Variants in TRIQK observed in about 807,000 individuals in gnomAD.
The protein encoded by TRIQK is triple QxxK/R motif-containing protein.
A neutral mutation model predicts 10.8 loss-of-function variants in TRIQK; 10 were observed. The observed-to-expected ratio is 0.92, with a 90% CI of 0.57 to 1.57. The LOEUF (loss-of-function observed/expected upper bound fraction) is 1.57, where lower values mean the gene tolerates loss of function less well. Ranked by LOEUF, TRIQK falls within the 40% of genes most tolerant of loss-of-function variation. The pLI is 0.00. For synonymous variants in TRIQK, 33 were observed against 33.7 expected (o/e 0.98, Z 0.07); for missense variants, 107 against 97.7 (o/e 1.09, Z -0.40).
Position 92,885,133 on chromosome 8 carries a change from T to A in TRIQK, c.*1489A>T, listed in dbSNP as rs1816408714. On this transcript the variant is annotated 3_prime_UTR_variant, in exon 5 of 5. Transcript: ENST00000521988. ...TTTGCCCTCAGATGTTTGGCATAAATGATTTGTGAGGATATTGGAACCTTT... is the reference window on the plus strand; with the variant it reads ...TTTGCCCTCAGATGTTTGGCATAAAAGATTTGTGAGGATATTGGAACCTTT... 9.8e-6 allele frequency: 4 copies of A among 408,658 alleles called. No homozygotes were observed. Among genetic ancestry groups the A allele is most frequent in the Non-Finnish European group, 2.0e-5 (4 of 200,466 alleles). 25.3% of individuals were successfully genotyped at this position (408,658 alleles called of 1,614,324 possible). A position where few individuals can be genotyped will look rare whatever the true frequency, so the allele number is the denominator to read the frequency against.
Position 92,886,515 on chromosome 8 carries a change from T to A in TRIQK, c.*107A>T. The A allele has an allele frequency of 1.5e-6, 1 of 663,214 alleles. No individual in the cohort carries two copies. The highest frequency in any genetic ancestry group is 2.5e-6 in the Non-Finnish European group (1 of 402,674). The allele number at this position is 663,214 out of a possible 1,614,324, so 41.1% of individuals were successfully genotyped here. A position where few individuals can be genotyped will look rare whatever the true frequency, so the allele number is the denominator to read the frequency against. ...AAATCATATGTCTGCAAACTGAAAATATTAGCAGAAAGAATTAAAGATGTT... is the reference window on the plus strand; with the variant it reads ...AAATCATATGTCTGCAAACTGAAAAAATTAGCAGAAAGAATTAAAGATGTT... On this transcript the variant is annotated 3_prime_UTR_variant, in exon 5 of 5. Coordinates refer to ENST00000521988, the MANE Select transcript of TRIQK (RefSeq NM_001171797.2).
At chr8:92,907,654 C>A (rs1809346218) in intron 3 of TRIQK, among the ~76,000 whole-genome samples, 1 of 152,056 alleles carries the variant, frequency 6.6e-6, no homozygotes, top group South Asian at 2.1e-4. Flanking sequence ...ACAATACAGA[C>A]AATCTGTAGT....
chr8:93,010,584 AATTATATCTC>A (rs1393992088), intron 1 of TRIQK, among the ~76,000 whole-genome samples: 1 of 152,174 alleles, frequency 6.6e-6, no homozygotes, highest in Non-Finnish European at 1.5e-5. Context: ...TTAAAAATGT[AATTATATCTC>A]ATTAAATACT....
intron 1 of TRIQK, among the ~76,000 whole-genome samples, chr8:92,975,473 A>C (rs1426932984): frequency 6.6e-6 from 1 of 152,280 alleles, no homozygotes; most frequent in Admixed American, 6.5e-5. Flanking sequence ...ATTTATTGAG[A>C]TAAACTTGTT....
upstream of TRIQK, among the ~76,000 whole-genome samples, chr8:92,968,726 A>G (rs184652853): frequency 4.6e-5 from 7 of 152,260 alleles, no homozygotes; most frequent in Admixed American, 4.6e-4. Flanking sequence ...GATAGATTGC[A>G]AAAGGTTTCT....
chr8:92,987,968 C>A (rs1320522526), intron 1 of TRIQK, among the ~76,000 whole-genome samples: 2 of 144,686 alleles, frequency 1.4e-5, no homozygotes, highest in African/African-American at 5.1e-5. Flanking sequence ...ACATAATCGT[C>A]GTTTTTAGTT....
chr8:92,943,624 C>G (rs1811378029), intron 2 of TRIQK, among the ~76,000 whole-genome samples: 1 of 152,168 alleles, frequency 6.6e-6, no homozygotes, highest in Admixed American at 6.5e-5. Flanking sequence ...CATCCACATA[C>G]AGAAGAATGA....
intron 2 of TRIQK, among the ~76,000 whole-genome samples, chr8:92,943,071 T>C (rs1811350429): frequency 6.8e-6 from 1 of 147,750 alleles, no homozygotes; most frequent in African/African-American, 2.5e-5. Context: ...CTATTTACAA[T>C]AGCTAAAAAA....
At chr8:92,905,135 G>T (rs749518596) in intron 3 of TRIQK, among the ~76,000 whole-genome samples, 1 of 151,860 alleles carries the variant, frequency 6.6e-6, no homozygotes, top group Non-Finnish European at 1.5e-5. Context: ...TAGAAGCATC[G>T]TTCGTAATAG....
chr8:92,930,621 A>G (rs1810673793), intron 2 of TRIQK, among the ~76,000 whole-genome samples: 1 of 152,084 alleles, frequency 6.6e-6, no homozygotes, highest in Admixed American at 6.6e-5. Flanking sequence ...AAGCAAGGGT[A>G]CCATTAGCTT....
intron 4 of TRIQK, among the ~76,000 whole-genome samples, chr8:92,890,591 A>G (rs1293907682): frequency 9.9e-5 from 15 of 151,838 alleles, no homozygotes; most frequent in Non-Finnish European, 2.1e-4. Flanking sequence ...GAGCAAATGT[A>G]TAAAAAAGAT....
chr8:92,920,574 G>A (rs1810125729), intron 2 of TRIQK, among the ~76,000 whole-genome samples: 1 of 151,422 alleles, frequency 6.6e-6, no homozygotes, highest in South Asian at 2.1e-4. Flanking sequence ...GCAGATTAGG[G>A]GTTTTCACTG....
chr8:92,884,156 TA>T lies in TRIQK; in HGVS notation c.*2465del, dbSNP rs992162735. The T allele has an allele frequency of 6.6e-6, 1 of 151,878 alleles. No homozygotes were observed. Among genetic ancestry groups the T allele is most frequent in the Admixed American group, 6.6e-5 (1 of 15,196 alleles). 9.4% of individuals were successfully genotyped at this position (151,878 alleles called of 1,614,324 possible). On this transcript the variant is annotated 3_prime_UTR_variant, in exon 5 of 5. Transcript: ENST00000521988. ...TTACTGGAGGGAAGATACCCATGTC[TA>T]AAATTTGTGTCTGGTGCCAGTCTCA...
chr8:92,957,630 G>T (rs1475177580), intron 1 of TRIQK, among the ~76,000 whole-genome samples: 1 of 151,834 alleles, frequency 6.6e-6, no homozygotes, highest in Non-Finnish European at 1.5e-5. Flanking sequence ...TATTCAAGTG[G>T]TCTATAACTA....
At chr8:92,993,625 C>T (rs1191277579) in intron 1 of TRIQK, among the ~76,000 whole-genome samples, 3 of 152,198 alleles carry the variant, frequency 2.0e-5, no homozygotes. Context: ...CCAACACCAA[C>T]CCATCCAATC....
At chr8:92,973,345 G>T (rs2130738776) in intron 1 of TRIQK, 1 of 152,284 alleles carries the variant, frequency 6.6e-6, no homozygotes, top group South Asian at 2.1e-4. Flanking sequence ...AAGGTGAACA[G>T]TAGCAATCAC....
chr8:92,920,138 TAA>T (rs1423386701), intron 2 of TRIQK, among the ~76,000 whole-genome samples: 2 of 151,786 alleles, frequency 1.3e-5, no homozygotes, highest in Non-Finnish European at 1.5e-5. Context: ...TTCTGCTCTA[TAA>T]GTTTTATGAT....
rs370131213 is a variant in TRIQK at position 92,895,220 on chromosome 8, GC to G, written c.62-3147del. On this transcript the variant is annotated intron_variant, in intron 3 of 4. Transcript: ENST00000521988. ...TTCACAAGGCCCTTGCCAGAGGCAGGCCCCTCCAGCTTAGACTTCCCAGTCT... is the reference window on the plus strand; with the variant it reads ...TTCACAAGGCCCTTGCCAGAGGCAGGCCCTCCAGCTTAGACTTCCCAGTCT... 7.1e-3 allele frequency among the ~76,000 whole-genome samples: 1,076 copies of G among 152,300 alleles called. 15 individuals are homozygous for G. The highest frequency in any genetic ancestry group is 0.025 in the African/African-American group (1,023 of 41,566).
At position 92,883,735 on chromosome 8, in the gene TRIQK, G is replaced by A. The variant is rs1446407126; in HGVS notation, c.*2887C>T. 1 of 151,630 alleles carries A rather than the reference G, an allele frequency of 6.6e-6. No homozygotes were observed. The highest frequency in any genetic ancestry group is 1.9e-4 in the East Asian group (1 of 5,140). 9.4% of individuals were successfully genotyped at this position (151,630 alleles called of 1,614,324 possible). On this transcript the variant is annotated 3_prime_UTR_variant, in exon 5 of 5. Coordinates refer to ENST00000521988, the MANE Select transcript of TRIQK (RefSeq NM_001171797.2). Reference sequence around the variant, plus strand: ...ATACTCTCAAGATCTTACAGTCATTGGTTGGGGTGAAAGTATTTCTTCTGT... The same window carrying A: ...ATACTCTCAAGATCTTACAGTCATTAGTTGGGGTGAAAGTATTTCTTCTGT...
Sources: gnomAD v4.1 joint callset for allele counts (sites outside exome capture counted in the v4.1 genomes callset) on GRCh38, gnomAD v4.1.1 for gene constraint, MANE v1.5 for transcripts, NCBI Gene and HGNC (gene_info 2026-07-23, HGNC 2026-07-21) for gene names.